The following ABI3BP variants were observed in gnomAD, a reference collection of about 807,000 sequenced individuals.
ABI3BP encodes target of Nesh-SH3.
Under a neutral mutation model 268.6 loss-of-function variants are expected in ABI3BP, and 216 were observed. That is an observed-to-expected ratio of 0.80 (90% confidence interval 0.72 to 0.90). The LOEUF is 0.90. Among genes scored for constraint, ABI3BP ranks in the 40% least tolerant of loss-of-function variants. ABI3BP has a pLI of 0.00. For synonymous variants in ABI3BP, 730 were observed against 730.0 expected (o/e 1.00, Z 0.00); for missense variants, 2,090 against 2,182.4 (o/e 0.96, Z 0.84).
In ABI3BP at chr3:100,837,141, G is replaced by C. The variant is rs1464830132; in HGVS notation, c.2114C>G (p.Ala705Gly). 3 of 1,534,814 alleles carry C rather than the reference G, an allele frequency of 2.0e-6. No homozygotes were observed. In the South Asian group the frequency reaches 3.6e-5, roughly 18 times the overall value. Residue 705 changes from alanine to glycine, a missense_variant, in exon 27 of 68, where the codon GCT (alanine) becomes GGT (glycine). Transcript: ENST00000471714. The stretch of plus-strand genomic sequence containing the variant: ...ATCATTACCTATGGTCATTGAGGGA[G>C]CTTCAGTTTCAAATGGAACAGGCTC... Reference protein sequence around the residue: ...VSEPVPFETEAPSMTIVPTTD... With the variant: ...VSEPVPFETEGPSMTIVPTTD...
chr3:100,920,354 A>AT (rs2059865273), intron 2 of ABI3BP, among the ~76,000 whole-genome samples: 1 of 152,210 alleles, frequency 6.6e-6, no homozygotes, highest in Non-Finnish European at 1.5e-5. Flanking sequence ...TCTGCTTGTT[A>AT]TAACAGCAAC....
At position 100,752,314 on chromosome 3, in the gene ABI3BP, A is replaced by G. The variant is rs572753724; in HGVS notation, c.5122+473T>C. Among the ~76,000 whole-genome samples, 3 of 152,314 alleles carry G rather than the reference A, an allele frequency of 2.0e-5. No homozygotes were observed. In the East Asian group the frequency reaches 5.8e-4, roughly 29 times the overall value. On this transcript the variant is annotated intron_variant, in intron 66 of 67. Coordinates refer to ENST00000471714, the MANE Select transcript of ABI3BP (RefSeq NM_001375547.2). ...AGAGTTGAATGACTGAAAAAAATCT[A>G]CTTTTTAATGTTAGGGCCAGGCCTA... is the stretch of plus-strand genomic sequence containing the variant.
chr3:100,749,919 T>C lies in ABI3BP; in HGVS notation c.*576A>G. On this transcript the variant is annotated 3_prime_UTR_variant, in exon 68 of 68. Coordinates refer to ENST00000471714, the MANE Select transcript of ABI3BP (RefSeq NM_001375547.2). The stretch of plus-strand genomic sequence containing the variant: ...TAAAGGAAATGTATATTAGCATGAA[T>C]GTGTAACTATTAAACTCCTCCGCAA... The C allele has an allele frequency of 2.5e-6, 1 of 392,978 alleles. No individual in the cohort carries two copies. Among genetic ancestry groups the C allele is most frequent in the Non-Finnish European group, 4.5e-6 (1 of 222,810 alleles). 24.3% of individuals were successfully genotyped at this position (392,978 alleles called of 1,614,324 possible). A position where few individuals can be genotyped will look rare whatever the true frequency, so the allele number is the denominator to read the frequency against.
intron 12 of ABI3BP, 23 bp downstream of exon 12, chr3:100,863,979 C>A (rs1167764256): frequency 7.0e-7 from 1 of 1,436,466 alleles, no homozygotes; most frequent in Non-Finnish European, 9.5e-7. Context: ...AATAATAAAG[C>A]TGCAGTATTT....
chr3:100,792,704 T>G lies in ABI3BP; in HGVS notation c.4011A>C (p.Ala1337=), dbSNP rs1357860496. The change falls in exon 55 of 68, where the codon GCA becomes GCC. Residue 1337 remains alanine, a synonymous_variant. Coordinates refer to ENST00000471714, the MANE Select transcript of ABI3BP (RefSeq NM_001375547.2). The stretch of plus-strand genomic sequence containing the variant: ...GGAGAGGATTACCCTGAGTTGTCTT[T>G]GCTAGTTCAGTTGTTCGTGGAATCT... The part of the protein sequence containing the change: ...TTKIPRTTEL[A]KTTQAPHRFY... 2 of 1,611,588 alleles carry G rather than the reference T, an allele frequency of 1.2e-6. No individual in the cohort carries two copies. The highest frequency in any genetic ancestry group is 3.3e-5 in the Admixed American group (2 of 59,838).
intron 43 of ABI3BP, 42 bp downstream of exon 43, chr3:100,816,646 T>A: frequency 2.7e-6 from 4 of 1,460,554 alleles, no homozygotes; most frequent in Non-Finnish European, 3.7e-6. Context: ...CTGCCAGGGT[T>A]CAGGTTCCTT....
chr3:100,830,618 G>A lies in ABI3BP; in HGVS notation c.2418C>T (p.Leu806=), dbSNP rs755040126. Residue 806 remains leucine, a synonymous_variant, in exon 32 of 68, where the codon CTC becomes CTT. Transcript: ENST00000471714. ...PQTKLVPATI[L]EPVLRTEASG... ...AAGCCTCAGTTCTAAGAACTGGTTC[G>A]AGGATTGTGGCAGGAACTGATCAAA... 4.0e-5 allele frequency: 62 copies of A among 1,532,766 alleles called. No individual in the cohort carries two copies. The highest frequency in any genetic ancestry group is 4.9e-5 in the Non-Finnish European group (56 of 1,144,740). The allele number at this position is 1,532,766 out of a possible 1,614,324, so 94.9% of individuals were successfully genotyped here.
intron 31 of ABI3BP, among the ~76,000 whole-genome samples, chr3:100,832,002 T>A: frequency 6.6e-6 from 1 of 152,146 alleles, no homozygotes; most frequent in East Asian, 1.9e-4. Context: ...TTTAAATGAT[T>A]GTGCTGGCTC....
chr3:100,901,482 G>A (rs937019357), intron 3 of ABI3BP, among the ~76,000 whole-genome samples: 1 of 152,134 alleles, frequency 6.6e-6, no homozygotes, highest in Non-Finnish European at 1.5e-5. Flanking sequence ...AATAAAAGCA[G>A]GCTGGGTGCA....
intron 61 of ABI3BP, among the ~76,000 whole-genome samples, chr3:100,772,398 A>G (rs913421333): frequency 7.2e-5 from 11 of 152,224 alleles, no homozygotes; most frequent in African/African-American, 2.2e-4. Flanking sequence ...AAACATAAAT[A>G]AAAACACCTT....
At chr3:100,768,907 CAG>C (rs2096439174) in intron 62 of ABI3BP, among the ~76,000 whole-genome samples, 1 of 152,142 alleles carries the variant, frequency 6.6e-6, no homozygotes, top group African/African-American at 2.4e-5. Context: ...TTTTCTACTT[CAG>C]TATAGAAAGG....
In ABI3BP at chr3:100,848,797, T is replaced by G. The variant is rs746373760; in HGVS notation, c.1576+4A>C. The G allele has an allele frequency of 3.7e-5, 60 of 1,609,304 alleles. 1 individual carries two copies. The South Asian group carries it at 6.5e-4, about 17-fold the overall frequency. On this transcript the variant is annotated splice_donor_region_variant and intron_variant, in intron 18 of 67. Coordinates refer to ENST00000471714, the MANE Select transcript of ABI3BP (RefSeq NM_001375547.2). ...ATATCATGTAAATATAAAGAGACAT[T>G]TACCAGGTTTGGTTCTTGGCGGTTT...
rs539416168 is a variant in ABI3BP at position 100,876,744 on chromosome 3, C to T, written c.697-184G>A. On this transcript the variant is annotated intron_variant, in intron 6 of 67. Coordinates refer to ENST00000471714, the MANE Select transcript of ABI3BP (RefSeq NM_001375547.2). ...CCTGTAATCCCAGCACTTTGGGAGG[C>T]TGAGGCGGGTGGATCACCTGAGGTC... Among the ~76,000 whole-genome samples, 328 of 151,950 alleles carry T rather than the reference C, an allele frequency of 2.2e-3. 2 individuals are homozygous for T. Among genetic ancestry groups the T allele is most frequent in the Non-Finnish European group, 3.5e-3 (235 of 67,982 alleles).
intron 1 of ABI3BP, among the ~76,000 whole-genome samples, chr3:100,959,107 A>T (rs2077897138): frequency 6.6e-6 from 1 of 152,180 alleles, no homozygotes; most frequent in African/African-American, 2.4e-5. Context: ...TACAGGAGGG[A>T]TGGGAATACC....
At chr3:100,848,776 C>A in intron 18 of ABI3BP, 25 bp downstream of exon 18, 1 of 1,593,878 alleles carries the variant, frequency 6.3e-7, no homozygotes, top group South Asian at 1.1e-5. Context: ...AATTACATAT[C>A]ATGTAAATAT....
At chr3:100,772,363 A>T (rs2096570421) in intron 61 of ABI3BP, among the ~76,000 whole-genome samples, 1 of 152,212 alleles carries the variant, frequency 6.6e-6, no homozygotes, top group Non-Finnish European at 1.5e-5. Flanking sequence ...CTTATTATTT[A>T]TCTCTAAAAA....
chr3:100,941,535 C>A (rs1029989268), intron 1 of ABI3BP, among the ~76,000 whole-genome samples: 3 of 152,040 alleles, frequency 2.0e-5, no homozygotes, highest in Non-Finnish European at 4.4e-5. Context: ...ATCTGTTTGC[C>A]CAGCTGTTTG....
intron 50 of ABI3BP, among the ~76,000 whole-genome samples, chr3:100,806,133 T>C (rs2097699361): frequency 6.6e-6 from 1 of 152,120 alleles, no homozygotes; most frequent in Non-Finnish European, 1.5e-5. Context: ...ATGCCAAACA[T>C]AGATTTAAGC....
At chr3:100,846,304 C>G (rs1461077516) in intron 20 of ABI3BP, 68 bp downstream of exon 20, 55 of 1,070,066 alleles carry the variant, frequency 5.1e-5, no homozygotes, top group Non-Finnish European at 7.3e-5. Context: ...ATTCTTGCTC[C>G]AAATAATTGC....
Sources: allele counts gnomAD v4.1 joint callset (sites outside exome capture counted in the v4.1 genomes callset), GRCh38; gene constraint gnomAD v4.1.1; transcripts MANE v1.5; gene names NCBI Gene and HGNC (gene_info 2026-07-23, HGNC 2026-07-21).